Variants in POLN observed in about 807,000 individuals in gnomAD.
POLN encodes the protein DNA polymerase nu.
POLN carries 108 observed loss-of-function variants against 113.5 expected under a neutral mutation model. The ratio of observed to expected loss-of-function variants is 0.95; its 90% CI spans 0.81 to 1.12. The LOEUF is 1.12. POLN is among the 50% of genes most tolerant of loss of function. The pLI is 0.00. For missense variants in POLN, 1,097 were observed against 1,077.1 expected, an observed-to-expected ratio of 1.02 and a Z score of -0.26; for synonymous variants, 386 against 391.5, an observed-to-expected ratio of 0.99 and a Z score of 0.17.
rs116306361 is a variant in POLN at position 2,137,694 on chromosome 4, G to A, written c.1732-6404C>T. ...CCAACCTCTTGAACACTGCTTTCCC[G>A]AGGCTGGCAATCGTCCCCCCACTAC... On this transcript the variant is annotated intron_variant, in intron 16 of 25. Transcript: ENST00000511885. Among the ~76,000 whole-genome samples, 862 of 152,110 alleles carry A rather than the reference G, an allele frequency of 5.7e-3. 8 individuals are homozygous for A. Among genetic ancestry groups the A allele is most frequent in the African/African-American group, 0.02 (821 of 41,486 alleles).
chr4:2,117,360 A>G (rs554990678), intron 19 of POLN, among the ~76,000 whole-genome samples: 2 of 152,268 alleles, frequency 1.3e-5, no homozygotes, highest in South Asian at 4.2e-4. Flanking sequence ...TCTGTTTGTG[A>G]CCTTTTTGAT....
intron 19 of POLN, among the ~76,000 whole-genome samples, chr4:2,104,456 G>T (rs564218978): frequency 3.5e-4 from 53 of 152,302 alleles, no homozygotes; most frequent in African/African-American, 1.2e-3. Flanking sequence ...ACTTTTTGAA[G>T]AACTACCAGA....
At chr4:2,108,335 T>A (rs980435012) in intron 19 of POLN, among the ~76,000 whole-genome samples, 3 of 152,020 alleles carry the variant, frequency 2.0e-5, no homozygotes, top group Non-Finnish European at 4.4e-5. Flanking sequence ...AGGCCTCAGT[T>A]TCCTAATCCA....
chr4:2,161,446 AGCAGTCAGCCCACCGGCGCTGC>A (rs1732586852), intron 13 of POLN, among the ~76,000 whole-genome samples: 1 of 152,202 alleles, frequency 6.6e-6, no homozygotes, highest in South Asian at 2.1e-4. Flanking sequence ...TGGGTCCCCC[AGCAGTCAGCCCACCGGCGCTGC>A]GCTCGATTTC....
At chr4:2,240,941 A>T in intron 2 of POLN, 1 of 1,591,474 alleles carries the variant, frequency 6.3e-7, no homozygotes, top group Non-Finnish European at 8.5e-7. Flanking sequence ...CATTTCCACA[A>T]CTCATGGTTT....
At chr4:2,136,454 C>A (rs1360345146) in intron 16 of POLN, among the ~76,000 whole-genome samples, 1 of 152,206 alleles carries the variant, frequency 6.6e-6, no homozygotes, top group African/African-American at 2.4e-5. Context: ...AAAGTGCCAG[C>A]CATGTGGATG....
At chr4:2,220,260 TTTC>T (rs1390672632) in intron 3 of POLN, among the ~76,000 whole-genome samples, 1 of 152,194 alleles carries the variant, frequency 6.6e-6, no homozygotes, top group Non-Finnish European at 1.5e-5. Flanking sequence ...TTTGCTTTCC[TTTC>T]TTCTTGCTCC....
At chr4:2,186,993 C>G (rs1195657941) in intron 7 of POLN, among the ~76,000 whole-genome samples, 1 of 152,062 alleles carries the variant, frequency 6.6e-6, no homozygotes, top group Non-Finnish European at 1.5e-5. Flanking sequence ...AATAGAGGCT[C>G]TCAACAGCAG....
rs1368801305 is a variant in POLN, at chr4:2,072,338, C to A, written c.2518-39G>T. The stretch of plus-strand genomic sequence containing the variant: ...CCAGAGGTGAGCCCCACGCCTGGGC[C>A]AGCCACCCCCAGCCACCTCCCAGAC... On this transcript the variant is annotated intron_variant, in intron 25 of 25. Transcript: ENST00000511885. 10 of 1,454,588 alleles carry A rather than the reference C, an allele frequency of 6.9e-6. No individual in the cohort carries two copies. The African/African-American group carries it at 1.1e-4, about 17-fold the overall frequency. 90.1% of individuals were successfully genotyped at this position (1,454,588 alleles called of 1,614,324 possible). A position where few individuals can be genotyped will look rare whatever the true frequency, so the allele number is the denominator to read the frequency against.
chr4:2,214,947 T>C (rs916288797), intron 3 of POLN, among the ~76,000 whole-genome samples: 2 of 150,554 alleles, frequency 1.3e-5, no homozygotes, highest in Non-Finnish European at 3.0e-5. Context: ...CAGCCATATA[T>C]ATATGAGAGA....
At chr4:2,158,950 C>T (rs1040819796) in intron 14 of POLN, among the ~76,000 whole-genome samples, 1 of 152,098 alleles carries the variant, frequency 6.6e-6, no homozygotes, top group African/African-American at 2.4e-5. Context: ...CTGGGGTTCA[C>T]GAGTGGGGCT....
intron 19 of POLN, among the ~76,000 whole-genome samples, chr4:2,116,551 T>A (rs200692710): frequency 2.0e-5 from 3 of 147,460 alleles, no homozygotes; most frequent in African/African-American, 2.5e-5. Context: ...AATTACCAAT[T>A]AAAAAAAAAA....
At chr4:2,228,275 A>G (rs1215882322) in intron 3 of POLN, 1 of 170,898 alleles carries the variant, frequency 5.9e-6, no homozygotes, top group African/African-American at 2.4e-5. Flanking sequence ...AACAAAAAAC[A>G]AAACAAAAAA....
chr4:2,201,493 A>G (rs1733714774), intron 5 of POLN, among the ~76,000 whole-genome samples: 1 of 151,858 alleles, frequency 6.6e-6, no homozygotes, highest in South Asian at 2.1e-4. Context: ...CAATCCAACA[A>G]AGACAAAGAA....
At chr4:2,089,468 C>T (rs1479846479) in intron 20 of POLN, 2 of 1,407,514 alleles carry the variant, frequency 1.4e-6, no homozygotes, top group South Asian at 1.3e-5. Context: ...TCTTTGTGTT[C>T]CCGAAACAGT....
At chr4:2,098,124 C>T (rs1405089421) in intron 19 of POLN, among the ~76,000 whole-genome samples, 1 of 152,274 alleles carries the variant, frequency 6.6e-6, no homozygotes, top group East Asian at 1.9e-4. Context: ...AAGCAAAAAG[C>T]CAAAATGGGC....
At chr4:2,225,637 A>AC (rs1734367184) in intron 3 of POLN, among the ~76,000 whole-genome samples, 2 of 151,986 alleles carry the variant, frequency 1.3e-5, no homozygotes, top group Non-Finnish European at 2.9e-5. Flanking sequence ...AAAAAAACAA[A>AC]CACTTTTCCT....
At chr4:2,084,291 C>A (rs1730499176) in intron 21 of POLN, among the ~76,000 whole-genome samples, 1 of 152,270 alleles carries the variant, frequency 6.6e-6, no homozygotes, top group East Asian at 1.9e-4. Flanking sequence ...TACCTGTTCT[C>A]TGGCCCACCT....
At position 2,075,441 on chromosome 4, in the gene POLN, C is replaced by T; in HGVS notation, c.2455+11G>A. The T allele has an allele frequency of 1.2e-6, 2 of 1,613,178 alleles. No homozygotes were observed. The highest frequency in any genetic ancestry group is 1.1e-5 in the South Asian group (1 of 91,080). The stretch of plus-strand genomic sequence containing the variant: ...GTGATGTCCAAGCAACCCTGTGTTG[C>T]CCCAGGCTACCTGCACACTCCGGGA... On this transcript the variant is annotated intron_variant, in intron 24 of 25. Coordinates refer to ENST00000511885, the MANE Select transcript of POLN (RefSeq NM_181808.4).
Sources: allele counts gnomAD v4.1 joint callset (sites outside exome capture counted in the v4.1 genomes callset), GRCh38; gene constraint gnomAD v4.1.1; transcripts MANE v1.5; gene names NCBI Gene and HGNC (gene_info 2026-07-23, HGNC 2026-07-21).